The following DISP1 variants were observed in gnomAD, a reference collection of about 807,000 sequenced individuals.
DISP1 encodes the protein protein dispatched homolog 1.
DISP1 carries 30 observed loss-of-function variants against 37.3 expected under a neutral mutation model. The ratio of observed to expected loss-of-function variants is 0.80; its 90% CI spans 0.60 to 1.09. The LOEUF (loss-of-function observed/expected upper bound fraction) is 1.09, where lower values mean the gene tolerates loss of function less well. Ranked by LOEUF, DISP1 falls within the 50% of genes least tolerant of loss-of-function variation. The pLI, the probability that DISP1 is intolerant of heterozygous loss-of-function variation, is 0.00. For synonymous variants in DISP1, 634 were observed against 690.2 expected, an observed-to-expected ratio of 0.92 and a Z score of 1.28; for missense variants, 1,598 against 1,879.5, an observed-to-expected ratio of 0.85 and a Z score of 2.77.
At chr1:222,826,202 C>G (rs1664344987) in intron 1 of DISP1, among the ~76,000 whole-genome samples, 1 of 152,106 alleles carries the variant, frequency 6.6e-6, no homozygotes, top group Non-Finnish European at 1.5e-5. Context: ...CCATGCCCAG[C>G]CTGGGTTTTT....
intron 2 of DISP1, among the ~76,000 whole-genome samples, chr1:222,933,622 T>C (rs1362843732): frequency 6.6e-6 from 1 of 152,098 alleles, no homozygotes; most frequent in African/African-American, 2.4e-5. Flanking sequence ...CAACTTATTA[T>C]AGTTTATGCT....
At chr1:222,875,966 A>C (rs1350470970) in intron 1 of DISP1, among the ~76,000 whole-genome samples, 1 of 150,156 alleles carries the variant, frequency 6.7e-6, no homozygotes, top group Non-Finnish European at 1.5e-5. Context: ...CTGACTCTAA[A>C]ATTTTCCTGA....
At chr1:222,856,688 TTA>T (rs1259387800) in intron 1 of DISP1, among the ~76,000 whole-genome samples, 1 of 151,788 alleles carries the variant, frequency 6.6e-6, no homozygotes, top group Admixed American at 6.6e-5. Flanking sequence ...CAATATGTTT[TTA>T]TGTTTATTAT....
At chr1:222,989,183 T>C (rs544115109) in intron 4 of DISP1, among the ~76,000 whole-genome samples, 5 of 152,336 alleles carry the variant, frequency 3.3e-5, no homozygotes, top group Admixed American at 3.3e-4. Context: ...CCAGAATTAT[T>C]TGTAACTACT....
intron 1 of DISP1, among the ~76,000 whole-genome samples, chr1:222,866,035 G>A (rs186683479): frequency 1.6e-4 from 24 of 152,102 alleles, no homozygotes; most frequent in Non-Finnish European, 3.2e-4. Context: ...TGGCCACCTC[G>A]GGTAACTGAG....
chr1:222,860,277 C>G (rs2125325123), intron 1 of DISP1, among the ~76,000 whole-genome samples: 1 of 152,280 alleles, frequency 6.6e-6, no homozygotes, highest in South Asian at 2.1e-4. Flanking sequence ...TGGTCTTGAA[C>G]TCCCGACCTC....
intron 1 of DISP1, among the ~76,000 whole-genome samples, chr1:222,915,697 G>A (rs765420660): frequency 3.9e-5 from 6 of 152,230 alleles, no homozygotes; most frequent in Middle Eastern, 3.4e-3. Flanking sequence ...AGGCATGGTC[G>A]GTGACAGATC....
Position 222,953,798 on chromosome 1 carries a change from A to G in DISP1, c.509+10466A>G, listed in dbSNP as rs1031984933. ...TATTTTTTAGAAAGACTTCTTTGAG[A>G]GAGTTCTTCTTTTATTATAAATGAA... On this transcript the variant is annotated intron_variant, in intron 3 of 8. Coordinates refer to ENST00000675850, the MANE Select transcript of DISP1 (RefSeq NM_001377229.1). Among the ~76,000 whole-genome samples the G allele has an allele frequency of 6.6e-5, 10 of 152,304 alleles. No homozygotes were observed. The South Asian group carries it at 2.1e-3, about 32-fold the overall frequency.
chr1:222,971,377 T>C (rs1457611233), intron 3 of DISP1, among the ~76,000 whole-genome samples: 2 of 146,614 alleles, frequency 1.4e-5, no homozygotes, highest in Non-Finnish European at 3.0e-5. Context: ...ATACAGTGGA[T>C]TTTTTATTAT....
intron 1 of DISP1, among the ~76,000 whole-genome samples, chr1:222,909,187 A>T (rs1315145451): frequency 6.6e-6 from 1 of 152,182 alleles, no homozygotes; most frequent in Non-Finnish European, 1.5e-5. Flanking sequence ...ATACATTTAT[A>T]TCTATAAATG....
At chr1:222,965,102 A>G (rs539757416) in intron 3 of DISP1, among the ~76,000 whole-genome samples, 1 of 152,160 alleles carries the variant, frequency 6.6e-6, no homozygotes, top group South Asian at 2.1e-4. Flanking sequence ...CTTCTACTTT[A>G]TGAAAACAAT....
At chr1:222,977,420 A>G (rs1042785656) in intron 3 of DISP1, among the ~76,000 whole-genome samples, 3 of 149,942 alleles carry the variant, frequency 2.0e-5, no homozygotes, top group African/African-American at 4.9e-5. Flanking sequence ...TTGTCTTGGA[A>G]AGGCTTAATT....
intron 6 of DISP1, 80 bp from the exon 7 acceptor site, chr1:222,991,932 AG>A: frequency 8.8e-7 from 1 of 1,130,486 alleles, no homozygotes; most frequent in Non-Finnish European, 1.3e-6. Context: ...CATGGCTTTG[AG>A]GAAGTAATGT....
At chr1:222,909,133 G>T (rs911060503) in intron 1 of DISP1, among the ~76,000 whole-genome samples, 1 of 151,822 alleles carries the variant, frequency 6.6e-6, no homozygotes, top group Non-Finnish European at 1.5e-5. Context: ...TAATTGTATC[G>T]AATTATATCT....
At chr1:222,873,961 C>T (rs1212884686) in intron 1 of DISP1, among the ~76,000 whole-genome samples, 1 of 152,048 alleles carries the variant, frequency 6.6e-6, no homozygotes, top group Non-Finnish European at 1.5e-5. Flanking sequence ...TCTTTTAGGG[C>T]AGGCCTGGTG....
chr1:222,978,542 A>G (rs996926567), intron 3 of DISP1, among the ~76,000 whole-genome samples: 1 of 152,176 alleles, frequency 6.6e-6, no homozygotes, highest in South Asian at 2.1e-4. Context: ...CGATTTGTCA[A>G]TTTTGGCTTT....
chr1:222,972,975 A>T (rs61837501), intron 3 of DISP1, among the ~76,000 whole-genome samples: 12,780 of 152,208 alleles, frequency 0.084, 721 homozygotes, highest in Non-Finnish European at 0.13. Flanking sequence ...GTGGTCATCA[A>T]ATTACTTGGT....
At chr1:222,892,341 G>T (rs139292797) in intron 1 of DISP1, among the ~76,000 whole-genome samples, 1 of 152,196 alleles carries the variant, frequency 6.6e-6, no homozygotes, top group Non-Finnish European at 1.5e-5. Flanking sequence ...TGGCTTTGCC[G>T]TGTACTAGTG....
Position 223,005,271 on chromosome 1 carries a change from G to A in DISP1, c.3874G>A (p.Asp1292Asn). The change falls in exon 9 of 9, where the codon GAC (aspartate) becomes AAC (asparagine). Residue 1292 changes from aspartate (D) to asparagine (N), a missense_variant. By Grantham distance (23) the Asp-to-Asn change is conservative. Transcript: ENST00000675850. ...CCCACACTCTTGCCAGCAGATGGGG[G>A]ACTGCTTGTGCCACCAGTGCTCTCC... The part of the protein sequence containing the change: ...YGPHSCQQMG[D>N]CLCHQCSPTT... 1.2e-6 allele frequency: 2 copies of A among 1,613,872 alleles called. No individual in the cohort carries two copies. The highest frequency in any genetic ancestry group is 1.1e-5 in the South Asian group (1 of 91,086).
Sources: allele counts gnomAD v4.1 joint callset (sites outside exome capture counted in the v4.1 genomes callset), GRCh38; gene constraint gnomAD v4.1.1; transcripts MANE v1.5; gene names NCBI Gene and HGNC (gene_info 2026-07-23, HGNC 2026-07-21).